DYNC1I1: variants seen among roughly 807,000 people sequenced by gnomAD.
DYNC1I1 encodes the protein cytoplasmic dynein 1 intermediate chain 1.
DYNC1I1 carries 43 observed loss-of-function variants against 86.6 expected under a neutral mutation model. The observed-to-expected ratio is 0.50, with a 90% CI of 0.39 to 0.64. The LOEUF (loss-of-function observed/expected upper bound fraction) is 0.64. DYNC1I1 is among the 30% of genes least tolerant of loss of function. DYNC1I1 has a pLI of 0.00. For missense variants in DYNC1I1, 604 were observed against 788.8 expected (o/e 0.77, Z 2.81); for synonymous variants, 262 against 283.7 (o/e 0.92, Z 0.77).
intron 10 of DYNC1I1, among the ~76,000 whole-genome samples, chr7:96,001,489 T>C (rs1794011091): frequency 6.6e-6 from 1 of 152,234 alleles, no homozygotes; most frequent in South Asian, 2.1e-4. Flanking sequence ...GGGCGGTTTA[T>C]AAACAACAGA....
chr7:95,964,051 G>A (rs942835720), intron 6 of DYNC1I1, among the ~76,000 whole-genome samples: 3 of 152,040 alleles, frequency 2.0e-5, no homozygotes, highest in African/African-American at 4.8e-5. Context: ...TTGAAACCAG[G>A]GGAAATAATT....
chr7:96,018,782 T>C (rs759512199), intron 10 of DYNC1I1, among the ~76,000 whole-genome samples: 1 of 152,218 alleles, frequency 6.6e-6, no homozygotes, highest in Non-Finnish European at 1.5e-5. Flanking sequence ...GGAAATATCA[T>C]AAGTTTCTCA....
chr7:95,774,480 G>C (rs759318496), intron 1 of DYNC1I1, among the ~76,000 whole-genome samples: 4 of 152,074 alleles, frequency 2.6e-5, no homozygotes, highest in Non-Finnish European at 5.9e-5. Context: ...TAAAGCTTTA[G>C]GTAAATCACC....
rs1479241308 is a variant in DYNC1I1 at position 95,869,977 on chromosome 7, C to G, written c.469C>G (p.Leu157Val). 8 of 1,613,638 alleles carry G rather than the reference C, an allele frequency of 5.0e-6. No homozygotes were observed. The African/African-American group carries it at 1.1e-4, about 22-fold the overall frequency. The change falls in exon 6 of 17, where the codon CTT becomes GTT. Residue 157 changes from leucine (L) to valine (V), a missense_variant. Coordinates refer to ENST00000447467, the MANE Select transcript of DYNC1I1 (RefSeq NM_001135556.2). ...VSYSKETQTP[L>V]ATHQSEEDEE... is the part of the protein sequence containing the mutation. ...CTACTCAAAGGAGACCCAGACTCCT[C>G]TTGCCACGCATCAGTCTGAAGGTAA... is the stretch of plus-strand genomic sequence containing the variant.
chr7:96,018,499 A>G (rs1794455355), intron 10 of DYNC1I1, among the ~76,000 whole-genome samples: 1 of 152,182 alleles, frequency 6.6e-6, no homozygotes. Flanking sequence ...TAGTAACTGC[A>G]CAAAAATTTT....
chr7:95,878,716 C>A (rs1053163725), intron 6 of DYNC1I1, among the ~76,000 whole-genome samples: 6 of 152,042 alleles, frequency 3.9e-5, no homozygotes, highest in African/African-American at 1.4e-4. Flanking sequence ...AAAACTTTAA[C>A]TATAAACCTA....
At chr7:96,026,508 T>C (rs958671362) in intron 10 of DYNC1I1, among the ~76,000 whole-genome samples, 2 of 152,162 alleles carry the variant, frequency 1.3e-5, no homozygotes, top group Non-Finnish European at 2.9e-5. Flanking sequence ...CCAAAAGTTG[T>C]GATTTCTCAC....
At chr7:96,053,179 C>T (rs997440607) in intron 14 of DYNC1I1, among the ~76,000 whole-genome samples, 1 of 152,148 alleles carries the variant, frequency 6.6e-6, no homozygotes, top group African/African-American at 2.4e-5. Context: ...TTCACTACAT[C>T]TAAGTTTTCA....
intron 10 of DYNC1I1, among the ~76,000 whole-genome samples, chr7:95,996,603 C>T (rs1395160455): frequency 6.6e-6 from 1 of 152,188 alleles, no homozygotes; most frequent in Non-Finnish European, 1.5e-5. Context: ...TTTGAAAATG[C>T]AGAGATAATT....
intron 5 of DYNC1I1, among the ~76,000 whole-genome samples, chr7:95,840,760 G>T (rs1789259510): frequency 6.6e-6 from 1 of 152,138 alleles, no homozygotes; most frequent in African/African-American, 2.4e-5. Context: ...CTTCCAAACT[G>T]CCATCTGTTT....
chr7:95,922,146 CTTCA>C (rs1791626031), intron 6 of DYNC1I1, among the ~76,000 whole-genome samples: 1 of 152,132 alleles, frequency 6.6e-6, no homozygotes, highest in Non-Finnish European at 1.5e-5. Context: ...TATTTTTAAT[CTTCA>C]TTCAAATCAA....
At chr7:95,926,072 A>G (rs1791737051) in intron 6 of DYNC1I1, among the ~76,000 whole-genome samples, 1 of 152,156 alleles carries the variant, frequency 6.6e-6, no homozygotes, top group African/African-American at 2.4e-5. Context: ...AGAGTGCTAC[A>G]GGAGTTAAAA....
chr7:95,906,791 A>G (rs1465161927), intron 6 of DYNC1I1, among the ~76,000 whole-genome samples: 1 of 152,156 alleles, frequency 6.6e-6, no homozygotes, highest in Non-Finnish European at 1.5e-5. Context: ...ACAGTCTACT[A>G]TAGCTCCAAG....
chr7:96,097,836 T>G lies in DYNC1I1; in HGVS notation c.*243T>G. ...GTCTCAAAAATGAAGAGAAGGGGGT[T>G]ATGGGTTAAGTTGCTGCCTTTTAAC... On this transcript the variant is annotated 3_prime_UTR_variant, in exon 17 of 17. Transcript: ENST00000447467. 1.6e-6 allele frequency: 2 copies of G among 1,236,628 alleles called. No individual in the cohort carries two copies. The highest frequency in any genetic ancestry group is 2.0e-6 in the Non-Finnish European group (2 of 983,030). The allele number at this position is 1,236,628 out of a possible 1,614,324, so 76.6% of individuals were successfully genotyped here.
chr7:96,015,505 A>G (rs921256658), intron 10 of DYNC1I1, among the ~76,000 whole-genome samples: 3 of 152,108 alleles, frequency 2.0e-5, no homozygotes, highest in Admixed American at 2.0e-4. Context: ...GAAGTGTTGT[A>G]AATTTAATCA....
intron 1 of DYNC1I1, among the ~76,000 whole-genome samples, chr7:95,780,553 C>G (rs1458955846): frequency 6.6e-6 from 1 of 151,780 alleles, no homozygotes; most frequent in East Asian, 1.9e-4. Flanking sequence ...GCTGGGATTA[C>G]AGGTGTGAGC....
At chr7:95,941,461 G>A (rs1014250249) in intron 6 of DYNC1I1, among the ~76,000 whole-genome samples, 24 of 152,276 alleles carry the variant, frequency 1.6e-4, no homozygotes, top group African/African-American at 5.5e-4. Flanking sequence ...CACCCAGTTC[G>A]AGCTTCCCGG....
At chr7:96,079,902 T>C (rs1326938596) in intron 15 of DYNC1I1, among the ~76,000 whole-genome samples, 3 of 152,360 alleles carry the variant, frequency 2.0e-5, no homozygotes, top group East Asian at 3.9e-4. Context: ...ACTTTTTCCT[T>C]GAAGACTCAC....
chr7:95,952,187 TTC>T (rs1352670994), intron 6 of DYNC1I1, among the ~76,000 whole-genome samples: 1 of 152,176 alleles, frequency 6.6e-6, no homozygotes, highest in Non-Finnish European at 1.5e-5. Flanking sequence ...TGCTTTCTTA[TTC>T]TGTCTGTTTT....
Sources: allele counts gnomAD v4.1 joint callset (sites outside exome capture counted in the v4.1 genomes callset), GRCh38; gene constraint gnomAD v4.1.1; transcripts MANE v1.5; gene names NCBI Gene and HGNC (gene_info 2026-07-23, HGNC 2026-07-21).